PODNL1: variants seen among roughly 807,000 people sequenced by gnomAD.
PODNL1 encodes podocan-like protein 1.
PODNL1 carries 50 observed loss-of-function variants against 45.1 expected under a neutral mutation model. The ratio of observed to expected loss-of-function variants is 1.11; its 90% CI spans 0.88 to 1.40. PODNL1 has a LOEUF of 1.40. PODNL1 is among the 40% of genes most tolerant of loss of function. PODNL1 has a pLI of 0.00. For synonymous variants in PODNL1, 406 were observed against 372.5 expected (o/e 1.09, Z -1.04); for missense variants, 788 against 793.3 (o/e 0.99, Z 0.08).
chr19:13,936,250 GGCA>G, intron 3 of PODNL1, 114 bp downstream of exon 3: 1 of 1,107,694 alleles, frequency 9.0e-7, no homozygotes, highest in Non-Finnish European at 1.3e-6. Context: ...CTCAGCAAAG[GGCA>G]GTTCTGGGAA....
intron 1 of PODNL1, chr19:13,949,331 G>A (rs1474077435): frequency 1.3e-5 from 2 of 151,920 alleles, no homozygotes; most frequent in East Asian, 3.9e-4. Context: ...ATTAAAGACA[G>A]GGTCTTGCTC....
At chr19:13,947,410 G>C (rs972165644) in intron 1 of PODNL1, among the ~76,000 whole-genome samples, 3 of 151,436 alleles carry the variant, frequency 2.0e-5, no homozygotes, top group East Asian at 3.9e-4. Context: ...GAACCCGGGA[G>C]ACGGAGGTTG....
At chr19:13,946,863 T>C (rs570549979) in intron 1 of PODNL1, among the ~76,000 whole-genome samples, 55 of 151,468 alleles carry the variant, frequency 3.6e-4, no homozygotes, top group East Asian at 2.2e-3. Context: ...CCATCCTGGC[T>C]AACATGGTGA....
rs1258921089 is a variant in PODNL1 at position 13,931,750 on chromosome 19, GC to G, written c.1711del (p.Ala571GlnfsTer87). The G allele has an allele frequency of 4.9e-6, 6 of 1,231,780 alleles. No homozygotes were observed. Among genetic ancestry groups the G allele is most frequent in the Non-Finnish European group, 5.1e-6 (5 of 987,972 alleles). The allele number at this position is 1,231,780 out of a possible 1,614,324, so 76.3% of individuals were successfully genotyped here. A position where few individuals can be genotyped will look rare whatever the true frequency, so the allele number is the denominator to read the frequency against. On this transcript the variant is annotated frameshift_variant, in exon 10 of 10. Transcript: ENST00000588872. LOFTEE classifies it high-confidence loss of function. ...LPPTTPRGPR[A>X]GGP is the part of the protein sequence containing the mutation. Reference sequence around the variant, plus strand: ...GCCTCTCTAGGATCAGGGGCCCCCTGCCCGTGGCCCACGTGGGGTGGTGGGA... The same window carrying G: ...GCCTCTCTAGGATCAGGGGCCCCCTGCCGTGGCCCACGTGGGGTGGTGGGA...
Position 13,938,352 on chromosome 19 carries a change from A to AC in PODNL1, c.-172dup. On this transcript the variant is annotated 5_prime_UTR_variant, in exon 1 of 10. Transcript: ENST00000588872. ...CCCGGGGCTTTGGGGGAGCTGGCCCACCCCCTTCCCCGCCCTGGGGAGGAC... is the reference window on the plus strand; with the variant it reads ...CCCGGGGCTTTGGGGGAGCTGGCCCACCCCCCTTCCCCGCCCTGGGGAGGAC... The AC allele has an allele frequency of 7.1e-7, 1 of 1,404,114 alleles. No individual in the cohort carries two copies. The highest frequency in any genetic ancestry group is 9.3e-7 in the Non-Finnish European group (1 of 1,076,842). The allele number at this position is 1,404,114 out of a possible 1,614,324, so 87.0% of individuals were successfully genotyped here. A position where few individuals can be genotyped will look rare whatever the true frequency, so the allele number is the denominator to read the frequency against.
intron 8 of PODNL1, 23 bp downstream of exon 8, chr19:13,932,775 T>A (rs767492167): frequency 6.2e-7 from 1 of 1,612,664 alleles, no homozygotes. Flanking sequence ...GGGGACAGTG[T>A]GGCTAACCAG....
chr19:13,951,140 A>C (rs1421521670), intron 1 of PODNL1, among the ~76,000 whole-genome samples: 1 of 151,580 alleles, frequency 6.6e-6, no homozygotes, highest in African/African-American at 2.4e-5. Flanking sequence ...TTTCTAGTAC[A>C]TAACTCCTAA....
chr19:13,935,323 TTC>T (rs1268818507), intron 5 of PODNL1, among the ~76,000 whole-genome samples: 3 of 151,888 alleles, frequency 2.0e-5, no homozygotes, highest in Non-Finnish European at 4.4e-5. Context: ...GGCATTTTGT[TTC>T]TGTTTTTGTT....
intron 1 of PODNL1, among the ~76,000 whole-genome samples, chr19:13,944,831 A>G (rs1972765628): frequency 6.6e-6 from 1 of 151,870 alleles, no homozygotes; most frequent in Non-Finnish European, 1.5e-5. Context: ...GCTGGAGTCC[A>G]GTGGCACGAT....
intron 1 of PODNL1, among the ~76,000 whole-genome samples, chr19:13,946,388 C>G (rs2145461190): frequency 6.6e-6 from 1 of 151,836 alleles, no homozygotes; most frequent in Admixed American, 6.6e-5. Flanking sequence ...CAAGATCGAG[C>G]CATTACACTC....
chr19:13,933,598 T>C lies in PODNL1; in HGVS notation c.768-143A>G. The C allele has an allele frequency of 1.0e-6, 1 of 997,370 alleles. No homozygotes were observed. The highest frequency in any genetic ancestry group is 2.6e-5 in the East Asian group (1 of 37,998). 61.8% of individuals were successfully genotyped at this position (997,370 alleles called of 1,614,324 possible). ...GGAGTGATGCGTGGAGAGAGCTGGG[T>C]GGGAGGTAAACTTGGGGTGCCCAGG... On this transcript the variant is annotated intron_variant, in intron 7 of 9. Coordinates refer to ENST00000588872, the MANE Select transcript of PODNL1 (RefSeq NM_001370095.3). The surrounding 1 kb of genome is among the most constrained non-coding windows in gnomAD (Gnocchi z 5.2).
At chr19:13,940,293 C>T (rs1288509652), upstream of PODNL1, among the ~76,000 whole-genome samples, 4 of 151,572 alleles carry the variant, frequency 2.6e-5, no homozygotes, top group Admixed American at 2.6e-4. Flanking sequence ...TGTGGGGGGC[C>T]AGGCGCGGTG....
At chr19:13,937,432 C>T (rs1198713132) in intron 2 of PODNL1, among the ~76,000 whole-genome samples, 37 of 141,642 alleles carry the variant, frequency 2.6e-4, no homozygotes, top group Non-Finnish European at 4.7e-4. Context: ...CCACAATCGA[C>T]CCCAAATGTG....
chr19:13,939,588 A>T (rs190344813), upstream of PODNL1, among the ~76,000 whole-genome samples: 77 of 151,724 alleles, frequency 5.1e-4, no homozygotes, highest in Non-Finnish European at 8.1e-4. Context: ...AAATAAATTT[A>T]AAAAAAAATT....
In PODNL1 at chr19:13,932,891, G is replaced by C. The variant is rs760654324; in HGVS notation, c.1332C>G (p.Gly444=). The part of the protein sequence containing the change: ...LRMLEPEPLA[G]LDQLRELSLA... ...GGCTGAGCTCCCGCAGTTGGTCCAG[G>C]CCGGCCAGAGGCTCGGGCTCGAGCA... Residue 444 remains glycine (G), a synonymous_variant, in exon 8 of 10, where the codon GGC becomes GGG. Transcript: ENST00000588872. 8 of 1,603,908 alleles carry C rather than the reference G, an allele frequency of 5.0e-6. No individual in the cohort carries two copies. In the East Asian group the frequency reaches 1.8e-4, roughly 36 times the overall value.
In PODNL1 at chr19:13,933,353, G is replaced by T; in HGVS notation, c.870C>A (p.Asn290Lys). The T allele has an allele frequency of 6.2e-7, 1 of 1,607,522 alleles. No individual in the cohort carries two copies. Among genetic ancestry groups the T allele is most frequent in the Non-Finnish European group, 8.5e-7 (1 of 1,179,120 alleles). Residue 290 changes from asparagine to lysine, a missense_variant, in exon 8 of 10, where the codon AAC (asparagine) becomes AAA (lysine). Physicochemically the swap from Asn to Lys is moderately conservative, Grantham distance 94. Around this residue, in one of 3 missense-constraint regions of PODNL1, gnomAD observed 762 missense variants for 750.9 expected, o/e 1.01. Coordinates refer to ENST00000588872, the MANE Select transcript of PODNL1 (RefSeq NM_001370095.3). This position sits in a 1 kb window ranked among gnomAD's most constrained non-coding sequence, Gnocchi z 5.2. ...GAGCCGCCTCCACCTGCCGGATGCGGTTGCGGCCCAGGTGCAGGATAGCCA... is the reference window on the plus strand; with the variant it reads ...GAGCCGCCTCCACCTGCCGGATGCGTTTGCGGCCCAGGTGCAGGATAGCCA... ...RTLAILHLGRNRIRQVEAARL... is the reference protein window; with the variant it reads ...RTLAILHLGRKRIRQVEAARL...
In PODNL1 at chr19:13,932,944, G is replaced by C. The variant is rs1453978374; in HGVS notation, c.1279C>G (p.Leu427Val). 4 of 1,564,006 alleles carry C rather than the reference G, an allele frequency of 2.6e-6. No individual in the cohort carries two copies. Among genetic ancestry groups the C allele is most frequent in the Non-Finnish European group, 3.5e-6 (4 of 1,159,056 alleles). Residue 427 changes from leucine (L) to valine (V), a missense_variant, in exon 8 of 10, where the codon CTG (leucine) becomes GTG (valine). By Grantham distance (32) the Leu-to-Val change is conservative (BLOSUM62 1). Coordinates refer to ENST00000588872, the MANE Select transcript of PODNL1 (RefSeq NM_001370095.3). ...PMGLPTGLRT[L>V]QLQRNQLRML... Reference sequence around the variant, plus strand: ...CGCAGCTGGTTGCGTTGCAGCTGCAGGGTGCGCAGGCCAGTGGGCAGGCCC... The same window carrying C: ...CGCAGCTGGTTGCGTTGCAGCTGCACGGTGCGCAGGCCAGTGGGCAGGCCC...
At chr19:13,938,576 T>C (rs769003019), upstream of PODNL1, 14 of 524,228 alleles carry the variant, frequency 2.7e-5, no homozygotes, top group Non-Finnish European at 3.5e-5. Flanking sequence ...GATGGAGGGA[T>C]GGGGGGAGCT....
chr19:13,953,061 C>A (rs1973153999), intron 1 of PODNL1: 1 of 1,545,744 alleles, frequency 6.5e-7, no homozygotes, highest in Non-Finnish European at 8.8e-7. Flanking sequence ...GCTTCCTCCG[C>A]CTGATGTTCC....
Sources: gnomAD v4.1 joint callset for allele counts (sites outside exome capture counted in the v4.1 genomes callset) on GRCh38, gnomAD v4.1.1 for gene constraint, gnomAD v4.1.1 regional missense constraint, Gnocchi (gnomAD v3.1) non-coding constraint, MANE v1.5 for transcripts, NCBI Gene and HGNC (gene_info 2026-07-23, HGNC 2026-07-21) for gene names.